Variants in NRXN1 observed in about 807,000 individuals in gnomAD.
NRXN1 encodes the protein neurexin 1.
A neutral mutation model predicts 150.9 loss-of-function variants in NRXN1; 39 were observed. The observed-to-expected ratio is 0.26, with a 90% CI of 0.20 to 0.34. The LOEUF (loss-of-function observed/expected upper bound fraction) is 0.34. Ranked by LOEUF, NRXN1 falls within the 10% of genes least tolerant of loss-of-function variation. The probability of loss-of-function intolerance (pLI) is 1.00; values close to 1 mark genes in which losing one functional copy is unlikely to be tolerated. For synonymous variants in NRXN1, 924 were observed against 757.0 expected, an observed-to-expected ratio of 1.22 and a Z score of -3.62; for missense variants, 1,815 against 1,949.9, an observed-to-expected ratio of 0.93 and a Z score of 1.30.
chr2:50,063,590 C>A (rs890991853), intron 19 of NRXN1, among the ~76,000 whole-genome samples: 12 of 96,410 alleles, frequency 1.2e-4, no homozygotes, highest in African/African-American at 5.1e-4. Flanking sequence ...ACACACACAT[C>A]TAAGGCTGGC....
chr2:50,714,826 G>A (rs1485896992), intron 5 of NRXN1, among the ~76,000 whole-genome samples: 1 of 152,076 alleles, frequency 6.6e-6, no homozygotes, highest in Non-Finnish European at 1.5e-5. Context: ...CAGGATAATG[G>A]GCAGATCATT....
intron 2 of NRXN1, among the ~76,000 whole-genome samples, chr2:50,927,580 T>C (rs916589960): frequency 1.3e-5 from 2 of 152,072 alleles, no homozygotes; most frequent in Admixed American, 6.6e-5. Context: ...ATTAAAGTTT[T>C]GTTTTACTGC....
intron 18 of NRXN1, among the ~76,000 whole-genome samples, chr2:50,172,328 A>T (rs2060079994): frequency 6.6e-6 from 1 of 152,128 alleles, no homozygotes; most frequent in African/African-American, 2.4e-5. Context: ...GGGAAATCAC[A>T]TGTTAACTAA....
intron 5 of NRXN1, among the ~76,000 whole-genome samples, chr2:50,847,390 G>T (rs985327778): frequency 1.1e-4 from 17 of 152,256 alleles, no homozygotes; most frequent in African/African-American, 3.9e-4. Context: ...AATAAAGCTG[G>T]ATTGAAACTA....
chr2:50,646,702 T>C (rs1312472281), intron 5 of NRXN1, among the ~76,000 whole-genome samples: 4 of 146,102 alleles, frequency 2.7e-5, no homozygotes, highest in Non-Finnish European at 4.5e-5. Context: ...TGTACTTTCA[T>C]GTTGTCTTTT....
At chr2:50,284,436 ATTC>A (rs369183654) in intron 17 of NRXN1, among the ~76,000 whole-genome samples, 15 of 152,208 alleles carry the variant, frequency 9.9e-5, no homozygotes, top group African/African-American at 3.6e-4. Flanking sequence ...CAGCATCCTA[ATTC>A]TTCTTCTATG....
intron 5 of NRXN1, among the ~76,000 whole-genome samples, chr2:50,725,336 C>A (rs1574253525): frequency 6.7e-6 from 1 of 148,606 alleles, no homozygotes. Context: ...GGAAAGTTTT[C>A]AACAACTTAA....
chr2:50,637,811 G>A (rs1645034059), intron 5 of NRXN1, among the ~76,000 whole-genome samples: 2 of 151,904 alleles, frequency 1.3e-5, no homozygotes, highest in South Asian at 4.1e-4. Context: ...TGGCTGTGAG[G>A]GGACAGCCTA....
chr2:50,221,838 T>G (rs1307561748), intron 18 of NRXN1, among the ~76,000 whole-genome samples: 3 of 152,026 alleles, frequency 2.0e-5, no homozygotes, highest in East Asian at 3.9e-4. Context: ...CTCAGGAACT[T>G]CGTCATTTAA....
At chr2:50,447,737 T>TTATATATATATATATATATATATATATA (rs70948710) in intron 17 of NRXN1, among the ~76,000 whole-genome samples, 1 of 37,930 alleles carries the variant, frequency 2.6e-5, no homozygotes, top group African/African-American at 1.6e-4. Flanking sequence ...CAGGGGAACG[T>TTATATATATATATATATATATATATATA]TATATATATA....
chr2:51,027,634 C>T lies in NRXN1; in HGVS notation c.640G>A (p.Gly214Arg). The stretch of plus-strand genomic sequence containing the variant: ...TCCTCGCCCGCCTCGCACGGGCTTC[C>T]CCCGCCGCTGTTGGGCGGCTCATCG... ...LDDEPPNSGGGSPCEAGEEGE... is the reference protein window; with the variant it reads ...LDDEPPNSGGRSPCEAGEEGE... The change falls in exon 2 of 23, where the codon GGA becomes AGA. Residue 214 changes from glycine (G) to arginine (R), a missense_variant. Around this residue, in one of 6 missense-constraint regions of NRXN1, gnomAD observed 554 missense variants for 478.8 expected, o/e 1.16. Coordinates refer to ENST00000401669, the MANE Select transcript of NRXN1 (RefSeq NM_001330078.2). 5 of 1,595,972 alleles carry T rather than the reference C, an allele frequency of 3.1e-6. No individual in the cohort carries two copies. The highest frequency in any genetic ancestry group is 4.3e-6 in the Non-Finnish European group (5 of 1,171,560).
At chr2:50,872,455 G>A (rs1000963365) in intron 5 of NRXN1, among the ~76,000 whole-genome samples, 1 of 151,590 alleles carries the variant, frequency 6.6e-6, no homozygotes, top group African/African-American at 2.4e-5. Flanking sequence ...GGTATTTAGG[G>A]TCTAAGGCAT....
intron 21 of NRXN1, among the ~76,000 whole-genome samples, chr2:50,036,836 C>T (rs1690113899): frequency 6.6e-6 from 1 of 152,112 alleles, no homozygotes; most frequent in Non-Finnish European, 1.5e-5. Context: ...GCTGTTCTAA[C>T]TAATTCATCT....
intron 5 of NRXN1, among the ~76,000 whole-genome samples, chr2:50,864,175 G>C (rs993174993): frequency 6.6e-6 from 1 of 151,968 alleles, no homozygotes. Context: ...CAGGGTATTT[G>C]GATTCATGCA....
chr2:50,098,338 T>A (rs1022632062), intron 18 of NRXN1, among the ~76,000 whole-genome samples: 1 of 151,558 alleles, frequency 6.6e-6, no homozygotes, highest in Non-Finnish European at 1.5e-5. Context: ...CACAAAAGAG[T>A]TGAGGGAGTG....
intron 5 of NRXN1, among the ~76,000 whole-genome samples, chr2:50,632,073 T>C (rs1210278556): frequency 1.3e-5 from 2 of 151,962 alleles, no homozygotes; most frequent in Non-Finnish European, 2.9e-5. Context: ...TGTATAGGTA[T>C]TTTGTATTTA....
At chr2:50,753,515 T>C (rs1405012955) in intron 5 of NRXN1, among the ~76,000 whole-genome samples, 1 of 151,712 alleles carries the variant, frequency 6.6e-6, no homozygotes, top group East Asian at 1.9e-4. Flanking sequence ...CAGTATGGAG[T>C]CTGGCAGGAA....
intron 5 of NRXN1, among the ~76,000 whole-genome samples, chr2:50,901,936 A>G (rs1445022004): frequency 5.3e-5 from 8 of 152,230 alleles, no homozygotes; most frequent in African/African-American, 1.9e-4. Context: ...AAGGAGTTAA[A>G]TAACCTCCCA....
At chr2:51,026,283 G>A in intron 2 of NRXN1, 1 of 804,904 alleles carries the variant, frequency 1.2e-6, no homozygotes, top group Non-Finnish European at 2.1e-6. Flanking sequence ...TGTGTTGATT[G>A]CCTTGCTTTG....
Sources: gnomAD v4.1 joint callset for allele counts (sites outside exome capture counted in the v4.1 genomes callset) on GRCh38, gnomAD v4.1.1 for gene constraint, gnomAD v4.1.1 regional missense constraint, MANE v1.5 for transcripts, NCBI Gene and HGNC (gene_info 2026-07-23, HGNC 2026-07-21) for gene names.